Variants in CCSER1 observed in about 807,000 individuals in gnomAD.
CCSER1 encodes coiled-coil serine rich protein 1.
In CCSER1, 41 loss-of-function variants were observed where a neutral mutation model predicts 82.0. That is an observed-to-expected ratio of 0.50 (90% CI 0.39 to 0.65). The LOEUF (loss-of-function observed/expected upper bound fraction) is 0.65. Ranked by LOEUF, CCSER1 falls within the 30% of genes least tolerant of loss-of-function variation. The pLI is 0.00. For synonymous variants in CCSER1, 414 were observed against 383.9 expected (o/e 1.08, Z -0.92); for missense variants, 1,119 against 1,064.2 (o/e 1.05, Z -0.72).
At chr4:91,160,016 T>C (rs910240427) in intron 10 of CCSER1, among the ~76,000 whole-genome samples, 3 of 151,858 alleles carry the variant, frequency 2.0e-5, no homozygotes, top group African/African-American at 7.3e-5. Flanking sequence ...TCATTTACAT[T>C]ACGTATTTCT....
chr4:91,343,216 A>G (rs1227926183), intron 10 of CCSER1, among the ~76,000 whole-genome samples: 4 of 152,062 alleles, frequency 2.6e-5, no homozygotes, highest in Admixed American at 2.0e-4. Context: ...TAGAATCTGG[A>G]AGAACACTTG....
rs745328190 is a variant in CCSER1 at position 90,395,144 on chromosome 4, G to T, written c.1510-4892G>T. Among the ~76,000 whole-genome samples the T allele has an allele frequency of 3.9e-5, 6 of 152,300 alleles. No homozygotes were observed. The South Asian group carries it at 1.2e-3, about 32-fold the overall frequency. On this transcript the variant is annotated intron_variant, in intron 3 of 10. Transcript: ENST00000509176. ...TCTCTGAGTTTGTTTGGCTGTTTAAGATTTCCACACCCATGTGAGATCATG... is the reference window on the plus strand; with the variant it reads ...TCTCTGAGTTTGTTTGGCTGTTTAATATTTCCACACCCATGTGAGATCATG...
chr4:91,415,562 C>G (rs953545177), intron 10 of CCSER1, among the ~76,000 whole-genome samples: 1 of 151,984 alleles, frequency 6.6e-6, no homozygotes, highest in Admixed American at 6.6e-5. Flanking sequence ...ATATATGGCT[C>G]TTACTATTTT....
chr4:90,954,926 T>TA (rs1382379647), intron 9 of CCSER1, among the ~76,000 whole-genome samples: 1 of 152,210 alleles, frequency 6.6e-6, no homozygotes, highest in Non-Finnish European at 1.5e-5. Flanking sequence ...GCCCTAGCTT[T>TA]AGGGCTCTGA....
At chr4:90,215,931 G>C (rs759614768) in intron 1 of CCSER1, among the ~76,000 whole-genome samples, 2 of 152,142 alleles carry the variant, frequency 1.3e-5, no homozygotes, top group Non-Finnish European at 2.9e-5. Context: ...GCAGAAGACA[G>C]AGTTTGTAGT....
intron 10 of CCSER1, among the ~76,000 whole-genome samples, chr4:91,364,297 T>G (rs1228858735): frequency 6.6e-6 from 1 of 152,066 alleles, no homozygotes; most frequent in Non-Finnish European, 1.5e-5. Flanking sequence ...ATATATAAAA[T>G]TAGGCCTAGA....
At chr4:90,167,341 T>C (rs946725369) in intron 1 of CCSER1, among the ~76,000 whole-genome samples, 4 of 152,120 alleles carry the variant, frequency 2.6e-5, no homozygotes. Flanking sequence ...TTTAAGAAAT[T>C]TATAAGAATA....
chr4:91,445,720 A>G (rs10856887), intron 10 of CCSER1, among the ~76,000 whole-genome samples: 122,476 of 151,838 alleles, frequency 0.81, 49,681 homozygotes, highest in East Asian at 0.92. Context: ...ACTATCCACC[A>G]TCCATTTAAC....
intron 10 of CCSER1, among the ~76,000 whole-genome samples, chr4:91,516,021 T>C (rs967207385): frequency 4.6e-5 from 7 of 152,132 alleles, no homozygotes; most frequent in African/African-American, 7.2e-5. Flanking sequence ...TTAAAAAGTG[T>C]CGTTCAAGTA....
At chr4:91,541,371 C>T (rs1297751286) in intron 10 of CCSER1, among the ~76,000 whole-genome samples, 1 of 152,138 alleles carries the variant, frequency 6.6e-6, no homozygotes, top group African/African-American at 2.4e-5. Flanking sequence ...AATGCTATCC[C>T]TCTCCCCTCC....
chr4:91,366,809 T>C (rs1749647419), intron 10 of CCSER1, among the ~76,000 whole-genome samples: 1 of 152,166 alleles, frequency 6.6e-6, no homozygotes, highest in Admixed American at 6.6e-5. Context: ...AATAATGCAG[T>C]TTCACTATAC....
chr4:90,161,410 G>A (rs187988605), intron 1 of CCSER1, among the ~76,000 whole-genome samples: 16 of 152,166 alleles, frequency 1.1e-4, no homozygotes, highest in South Asian at 6.2e-4. Context: ...TGCAGATGAC[G>A]AAAATGAAAT....
chr4:90,762,556 G>C (rs1021909254), intron 7 of CCSER1, among the ~76,000 whole-genome samples: 1 of 151,994 alleles, frequency 6.6e-6, no homozygotes, highest in Non-Finnish European at 1.5e-5. Context: ...AACCAAAACA[G>C]TTCTCTACAG....
intron 10 of CCSER1, among the ~76,000 whole-genome samples, chr4:91,368,897 A>C (rs546025452): frequency 6.6e-6 from 1 of 152,316 alleles, no homozygotes; most frequent in African/African-American, 2.4e-5. Flanking sequence ...CTAATTCTTG[A>C]AATGAAAAGG....
chr4:91,559,904 A>G (rs1162710646), intron 10 of CCSER1, among the ~76,000 whole-genome samples: 2 of 151,480 alleles, frequency 1.3e-5, no homozygotes, highest in African/African-American at 4.8e-5. Context: ...TCATTGGTAA[A>G]TGTAATGAAA....
At chr4:90,930,466 G>A (rs533288923) in intron 9 of CCSER1, among the ~76,000 whole-genome samples, 15 of 151,882 alleles carry the variant, frequency 9.9e-5, no homozygotes, top group South Asian at 2.1e-4. Context: ...TTAGCCAGGC[G>A]TAGGTGGTGC....
intron 7 of CCSER1, among the ~76,000 whole-genome samples, chr4:90,806,201 A>G (rs1757481205): frequency 6.6e-6 from 1 of 152,248 alleles, no homozygotes; most frequent in African/African-American, 2.4e-5. Flanking sequence ...CCATTCATAG[A>G]GAAGACTTTT....
chr4:91,099,638 C>T (rs551344417), intron 10 of CCSER1, among the ~76,000 whole-genome samples: 1 of 152,164 alleles, frequency 6.6e-6, no homozygotes, highest in South Asian at 2.1e-4. Context: ...TTGGTTTGGT[C>T]CAGAAAGGTG....
intron 6 of CCSER1, among the ~76,000 whole-genome samples, chr4:90,650,740 C>T (rs1217125214): frequency 6.6e-6 from 1 of 152,166 alleles, no homozygotes; most frequent in East Asian, 1.9e-4. Flanking sequence ...CCAGGCTCTA[C>T]TTTAACACAG....
Sources: allele counts gnomAD v4.1 joint callset (sites outside exome capture counted in the v4.1 genomes callset), GRCh38; gene constraint gnomAD v4.1.1; transcripts MANE v1.5; gene names NCBI Gene and HGNC (gene_info 2026-07-23, HGNC 2026-07-21).